The following MED12 variants were observed in gnomAD, a reference collection of about 807,000 sequenced individuals.
MED12 encodes the protein mediator of RNA polymerase II transcription subunit 12.
In MED12, 10 loss-of-function variants were observed where a neutral mutation model predicts 177.7. The ratio of observed to expected loss-of-function variants is 0.06; its 90% CI spans 0.03 to 0.10. The LOEUF is 0.10. MED12 is among the 10% of genes least tolerant of loss of function. The pLI is 1.00. For synonymous variants in MED12, 641 were observed against 678.4 expected (o/e 0.94, Z 0.86); for missense variants, 867 against 1,780.8 (o/e 0.49, Z 9.23).
chrX:71,127,844 T>C (rs1385993637), intron 21 of MED12, 49 bp from the exon 22 acceptor site: 2 of 990,051 alleles, frequency 2.0e-6, no homozygotes, highest in South Asian at 1.9e-5. Context: ...TCCCTCGACC[T>C]CAGCAGGCCT....
In MED12 at chrX:71,128,278, A is replaced by G. The variant is rs777589018; in HGVS notation, c.3210-18A>G. ...GTGGAGCAAGGTTTTTCCTGAGGGC[A>G]TTTGTACTTTTCCCTAGGGTGAATG... On this transcript the variant is annotated intron_variant, in intron 22 of 44. Transcript: ENST00000374080. 1 of 1,209,770 alleles carries G rather than the reference A, an allele frequency of 8.3e-7. No homozygotes were observed. Among genetic ancestry groups the G allele is most frequent in the Admixed American group, 2.2e-5 (1 of 45,757 alleles).
chrX:71,136,654 A>C lies in MED12; in HGVS notation c.5399A>C (p.Glu1800Ala). Residue 1800 changes from glutamate (E) to alanine (A), a missense_variant and splice_region_variant, in exon 37 of 45, where the codon GAG (glutamate) becomes GCG (alanine). Around this residue, in one of 14 missense-constraint regions of MED12, gnomAD observed 236 missense variants for 345.2 expected, o/e 0.68. Coordinates refer to ENST00000374080, the MANE Select transcript of MED12 (RefSeq NM_005120.3). ...CGCAGCCAGCCAGCTACCAAGACAG[A>C]GGTGAGCGCCTCCCCCGTGACAGTT... The part of the protein sequence containing the change: ...KKRSQPATKT[E>A]DYGMGPGRSG... 8.3e-7 allele frequency: 1 copy of C among 1,207,594 alleles called. No homozygotes were observed. Among genetic ancestry groups the C allele is most frequent in the Non-Finnish European group, 1.1e-6 (1 of 894,424 alleles).
chrX:71,119,360 T>A lies in MED12; in HGVS notation c.100-13T>A, dbSNP rs2147769590. 8.5e-7 allele frequency: 1 copy of A among 1,174,759 alleles called. No homozygotes were observed. Among genetic ancestry groups the A allele is most frequent in the East Asian group, 3.0e-5 (1 of 33,044 alleles). On this transcript the variant is annotated splice_polypyrimidine_tract_variant and intron_variant, in intron 1 of 44. Coordinates refer to ENST00000374080, the MANE Select transcript of MED12 (RefSeq NM_005120.3). The stretch of plus-strand genomic sequence containing the variant: ...TAAGGAAAAAACAACTAAACGCCGC[T>A]TTCCTGCCTCAGGATGAACTGACGG...
At position 71,119,378 on chromosome X, in the gene MED12, A is replaced by G. The variant is rs746030482; in HGVS notation, c.105A>G (p.Glu35=). ...ACGCCGCTTTCCTGCCTCAGGATGAACTGACGGCCTTGAATGTAAAACAAG... is the reference window on the plus strand; with the variant it reads ...ACGCCGCTTTCCTGCCTCAGGATGAGCTGACGGCCTTGAATGTAAAACAAG... ...YPQDPKQKED[E]LTALNVKQGF... Residue 35 remains glutamate (E), a synonymous_variant, in exon 2 of 45, where the codon GAA becomes GAG. Coordinates refer to ENST00000374080, the MANE Select transcript of MED12 (RefSeq NM_005120.3). The G allele has an allele frequency of 8.4e-7, 1 of 1,191,970 alleles. No homozygotes were observed. The highest frequency in any genetic ancestry group is 3.0e-5 in the East Asian group (1 of 33,504).
Position 71,132,068 on chromosome X carries a change from C to T in MED12, c.4120-5C>T, listed in dbSNP as rs2147813260. ...TAGCACTTCTGTGCCTTTCATCCTC[C>T]CCAGGAGATGAACTCCCTCTTGGAG... is the stretch of plus-strand genomic sequence containing the variant. On this transcript the variant is annotated splice_polypyrimidine_tract_variant and splice_region_variant and intron_variant, in intron 29 of 44. Transcript: ENST00000374080. 1 of 1,209,430 alleles carries T rather than the reference C, an allele frequency of 8.3e-7. No homozygotes were observed. Among genetic ancestry groups the T allele is most frequent in the African/African-American group, 1.7e-5 (1 of 57,727 alleles).
chrX:71,129,564 A>G (rs1277785400), intron 26 of MED12, 116 bp from the exon 27 acceptor site: 15 of 1,021,776 alleles, frequency 1.5e-5, no homozygotes, highest in Non-Finnish European at 2.0e-5. Flanking sequence ...AGAGAAGTAT[A>G]TTTCTGTCCC....
At chrX:71,140,975 G>A (rs936409278) in intron 42 of MED12, 118 bp downstream of exon 42, 7 of 1,160,627 alleles carry the variant, frequency 6.0e-6, no homozygotes, top group South Asian at 1.9e-5. Context: ...CTAGCAGAGC[G>A]GCTGGCCTCT....
intron 41 of MED12, among the ~76,000 whole-genome samples, chrX:71,139,760 G>C (rs1300615641): frequency 3.6e-5 from 4 of 110,383 alleles, no homozygotes; most frequent in Admixed American, 9.7e-5. Context: ...TTATCTGGGT[G>C]TGGTGGCATG....
At chrX:71,118,914 C>G in intron 1 of MED12, 61 bp downstream of exon 1, 1 of 1,025,597 alleles carries the variant, frequency 9.8e-7, no homozygotes, top group Non-Finnish European at 1.4e-6. Context: ...TAGGAGGAGG[C>G]ACTGACGGCT....
chrX:71,122,775 G>A lies in MED12; in HGVS notation c.1386G>A (p.Val462=), dbSNP rs186153976. ...GACGGGTACTTCATACTTTGGAAGTGCTGGACAGCCATAGTTTTGAACGCT... is the reference window on the plus strand; with the variant it reads ...GACGGGTACTTCATACTTTGGAAGTACTGGACAGCCATAGTTTTGAACGCT... The part of the protein sequence containing the change: ...TIGRVLHTLE[V]LDSHSFERSD... The change falls in exon 10 of 45, where the codon GTG becomes GTA. Residue 462 remains valine (V), a synonymous_variant. Transcript: ENST00000374080. The A allele has an allele frequency of 8.3e-7, 1 of 1,211,541 alleles. No homozygotes were observed. The highest frequency in any genetic ancestry group is 1.1e-6 in the Non-Finnish European group (1 of 895,260).
rs186153976 is a variant in MED12, at chrX:71,122,775, G to T, written c.1386G>T (p.Val462=). The stretch of plus-strand genomic sequence containing the variant: ...GACGGGTACTTCATACTTTGGAAGT[G>T]CTGGACAGCCATAGTTTTGAACGCT... ...TIGRVLHTLE[V]LDSHSFERSD... The change falls in exon 10 of 45, where the codon GTG becomes GTT. Residue 462 remains valine, a synonymous_variant. Transcript: ENST00000374080. 435 of 1,209,861 alleles carry T rather than the reference G, an allele frequency of 3.6e-4. 2 individuals are homozygous for T. In the African/African-American group the frequency reaches 7.1e-3, roughly 20 times the overall value.
chrX:71,124,874 T>C, intron 14 of MED12, 30 bp downstream of exon 14: 2 of 1,183,276 alleles, frequency 1.7e-6, no homozygotes, highest in Non-Finnish European at 1.1e-6. Flanking sequence ...TGGCAGAATC[T>C]GGATCCTTGG....
chrX:71,131,217 C>T (rs1242876589), intron 28 of MED12, among the ~76,000 whole-genome samples: 2 of 106,981 alleles, frequency 1.9e-5, no homozygotes, highest in Non-Finnish European at 3.9e-5. Context: ...CAACCTCTGC[C>T]TCCCAAGTTC....
intron 19 of MED12, 62 bp downstream of exon 19, chrX:71,126,546 G>T: frequency 8.6e-7 from 1 of 1,169,398 alleles, no homozygotes; most frequent in Non-Finnish European, 1.2e-6. Context: ...GGCTACGGAG[G>T]GTCATAAGGA....
chrX:71,136,843 C>A (rs1043272202), intron 37 of MED12, 36 bp from the exon 38 acceptor site: 4 of 1,208,519 alleles, frequency 3.3e-6, no homozygotes, highest in East Asian at 3.0e-5. Flanking sequence ...CATTCAGCTA[C>A]AACCCACTCA....
intron 33 of MED12, 123 bp downstream of exon 33, chrX:71,133,335 G>GT: frequency 2.0e-6 from 1 of 492,891 alleles, no homozygotes; most frequent in Non-Finnish European, 3.5e-6. Context: ...AGTCTTGAAG[G>GT]GTTTTTTTTT....
intron 1 of MED12, 51 bp from the exon 2 acceptor site, chrX:71,119,322 T>A: frequency 1.1e-6 from 1 of 926,031 alleles, no homozygotes; most frequent in Non-Finnish European, 1.5e-6. Flanking sequence ...CTCCCACCCC[T>A]TCCCCCTTCC....
At chrX:71,135,549 C>G (rs774481692) in intron 36 of MED12, among the ~76,000 whole-genome samples, 2 of 111,311 alleles carry the variant, frequency 1.8e-5, no homozygotes, top group Non-Finnish European at 3.8e-5. Context: ...TGTCCTACCC[C>G]ACCCATCTAT....
Position 71,124,297 on chromosome X carries a change from C to G in MED12, c.1883C>G (p.Ala628Gly). 1 of 1,209,215 alleles carries G rather than the reference C, an allele frequency of 8.3e-7. No individual in the cohort carries two copies. The change falls in exon 13 of 45, where the codon GCC becomes GGC. Residue 628 changes from alanine (A) to glycine (G), a missense_variant. Transcript: ENST00000374080. ...LISRGDLAFGAPGPRPPSPFD... is the reference protein window; with the variant it reads ...LISRGDLAFGGPGPRPPSPFD... Reference sequence around the variant, plus strand: ...TCCCGAGGGGACCTTGCCTTTGGAGCCCCTGGTCCCCGGCCTCCCTCTCCC... The same window carrying G: ...TCCCGAGGGGACCTTGCCTTTGGAGGCCCTGGTCCCCGGCCTCCCTCTCCC...
Sources: allele counts gnomAD v4.1 joint callset (sites outside exome capture counted in the v4.1 genomes callset), GRCh38; gene constraint gnomAD v4.1.1; regional missense constraint gnomAD v4.1.1; transcripts MANE v1.5; gene names NCBI Gene and HGNC (gene_info 2026-07-23, HGNC 2026-07-21).